Variants in FUT9 observed in about 807,000 individuals in gnomAD.
FUT9 encodes 4-galactosyl-N-acetylglucosaminide 3-alpha-L-fucosyltransferase 9.
Under a neutral mutation model 29.7 loss-of-function variants are expected in FUT9, and 15 were observed. The ratio of observed to expected loss-of-function variants is 0.51; its 90% CI spans 0.34 to 0.78. FUT9 has a LOEUF of 0.78. Among genes scored for constraint, FUT9 ranks in the 30% least tolerant of loss-of-function variants. The pLI is 0.01. For missense variants in FUT9, 319 were observed against 425.4 expected (o/e 0.75, Z 2.20); for synonymous variants, 169 against 153.7 (o/e 1.10, Z -0.74).
chr6:96,090,231 T>G lies in FUT9; in HGVS notation c.-97-23808T>G, dbSNP rs748863282. Among the ~76,000 whole-genome samples the G allele has an allele frequency of 1.3e-5, 2 of 152,116 alleles. 1 individual carries two copies. Among genetic ancestry groups the G allele is most frequent in the Middle Eastern group, 6.3e-3 (2 of 316 alleles). On this transcript the variant is annotated intron_variant, in intron 1 of 2. Transcript: ENST00000302103. ...CAATAAATTTCAAAAATTAGCATCT[T>G]GTATATACTTTTTCTGAACACAGTC...
Position 96,117,362 on chromosome 6 carries a change from A to G in FUT9, c.-9+3235A>G, listed in dbSNP as rs1028334487. ...GCGTTGCTAGATGAGAGATGTAGAT[A>G]TTAATTTGTGAATCTATTTTTATTT... On this transcript the variant is annotated intron_variant, in intron 2 of 2. Coordinates refer to ENST00000302103, the MANE Select transcript of FUT9 (RefSeq NM_006581.4). Among the ~76,000 whole-genome samples the G allele has an allele frequency of 3.9e-5, 6 of 152,352 alleles. No individual in the cohort carries two copies. The East Asian group carries it at 1.2e-3, about 29-fold the overall frequency.
chr6:96,127,143 AGCAGAGTATC>A (rs1292145763), intron 2 of FUT9, among the ~76,000 whole-genome samples: 1 of 152,166 alleles, frequency 6.6e-6, no homozygotes, highest in African/African-American at 2.4e-5. Context: ...CTAAGTAATA[AGCAGAGTATC>A]CAATAGGTAG....
At chr6:96,057,658 C>A (rs145054702) in intron 1 of FUT9, among the ~76,000 whole-genome samples, 1 of 152,152 alleles carries the variant, frequency 6.6e-6, no homozygotes, top group African/African-American at 2.4e-5. Context: ...TAAGGAAATT[C>A]TGTGCCACAA....
At chr6:96,114,586 A>G (rs1237890778) in intron 2 of FUT9, among the ~76,000 whole-genome samples, 2 of 151,232 alleles carry the variant, frequency 1.3e-5, no homozygotes, top group Non-Finnish European at 2.9e-5. Context: ...GTACCAATAA[A>G]TCATTCTTAC....
chr6:96,119,901 A>AAT (rs1189292864), intron 2 of FUT9, among the ~76,000 whole-genome samples: 1 of 152,174 alleles, frequency 6.6e-6, no homozygotes, highest in Admixed American at 6.5e-5. Context: ...GAACTTCTTG[A>AAT]ATATGAGGGG....
At chr6:96,110,276 G>A (rs1412562584) in intron 1 of FUT9, among the ~76,000 whole-genome samples, 1 of 152,008 alleles carries the variant, frequency 6.6e-6, no homozygotes, top group African/African-American at 2.4e-5. Flanking sequence ...TTAAAGCTGC[G>A]AGCCTCATAA....
At chr6:96,083,436 C>T (rs981537194) in intron 1 of FUT9, among the ~76,000 whole-genome samples, 2 of 152,024 alleles carry the variant, frequency 1.3e-5, no homozygotes, top group African/African-American at 4.8e-5. Context: ...CTATTCTGTT[C>T]TCTGGATGCA....
intron 2 of FUT9, among the ~76,000 whole-genome samples, chr6:96,194,221 G>C (rs1157504383): frequency 5.3e-5 from 8 of 151,944 alleles, no homozygotes; most frequent in African/African-American, 1.9e-4. Flanking sequence ...ATAAAATTTA[G>C]TGTACGTCAG....
At chr6:96,175,376 C>G (rs999207691) in intron 2 of FUT9, among the ~76,000 whole-genome samples, 2 of 152,122 alleles carry the variant, frequency 1.3e-5, no homozygotes, top group Non-Finnish European at 2.9e-5. Flanking sequence ...TCTTTTATCT[C>G]AACAAAATAC....
chr6:96,198,640 C>T (rs973256310), intron 2 of FUT9, among the ~76,000 whole-genome samples: 2 of 152,050 alleles, frequency 1.3e-5, no homozygotes, highest in Non-Finnish European at 2.9e-5. Flanking sequence ...CCCAGTAATG[C>T]GATGGCTGGG....
At chr6:96,153,989 A>C (rs983731902) in intron 2 of FUT9, among the ~76,000 whole-genome samples, 1 of 152,164 alleles carries the variant, frequency 6.6e-6, no homozygotes, top group Non-Finnish European at 1.5e-5. Flanking sequence ...TGATCATCAG[A>C]CTGTATGTTT....
chr6:96,202,586 C>T (rs1454281794), intron 2 of FUT9, among the ~76,000 whole-genome samples: 2 of 152,012 alleles, frequency 1.3e-5, no homozygotes, highest in Non-Finnish European at 2.9e-5. Flanking sequence ...TCAAGAGTTG[C>T]CATTTTTTTA....
chr6:96,067,487 G>A (rs924685963), intron 1 of FUT9, among the ~76,000 whole-genome samples: 92 of 152,244 alleles, frequency 6.0e-4, no homozygotes, highest in African/African-American at 2.0e-3. Flanking sequence ...CATCATGAAA[G>A]CATAAAATAT....
At chr6:96,079,833 A>G (rs184296817) in intron 1 of FUT9, among the ~76,000 whole-genome samples, 3 of 152,264 alleles carry the variant, frequency 2.0e-5, no homozygotes, top group African/African-American at 7.2e-5. Context: ...ACAATGATGT[A>G]TTTTAATAGC....
chr6:96,069,487 TAA>T (rs1379544161), intron 1 of FUT9, among the ~76,000 whole-genome samples: 1 of 152,072 alleles, frequency 6.6e-6, no homozygotes, highest in Non-Finnish European at 1.5e-5. Context: ...TTAATTTTAA[TAA>T]AAATCTCAAT....
At chr6:96,173,254 T>C (rs1422482007) in intron 2 of FUT9, among the ~76,000 whole-genome samples, 1 of 151,344 alleles carries the variant, frequency 6.6e-6, no homozygotes, top group Non-Finnish European at 1.5e-5. Flanking sequence ...CTAGTCTCTC[T>C]GTAGAATTAT....
At chr6:96,202,545 G>T (rs893079328) in intron 2 of FUT9, among the ~76,000 whole-genome samples, 1 of 152,100 alleles carries the variant, frequency 6.6e-6, no homozygotes, top group African/African-American at 2.4e-5. Context: ...AAATTTGCCT[G>T]AGTGTACTTG....
chr6:96,183,147 T>C (rs1298181243), intron 2 of FUT9, among the ~76,000 whole-genome samples: 1 of 152,144 alleles, frequency 6.6e-6, no homozygotes, highest in East Asian at 1.9e-4. Flanking sequence ...CTTGTAGAGG[T>C]ATTTCACCTC....
chr6:96,043,895 C>G (rs1770512594), intron 1 of FUT9, among the ~76,000 whole-genome samples: 1 of 152,174 alleles, frequency 6.6e-6, no homozygotes, highest in Admixed American at 6.5e-5. Flanking sequence ...ATCTGATCAA[C>G]AGTTGCTAGT....
Sources: allele counts gnomAD v4.1 joint callset (sites outside exome capture counted in the v4.1 genomes callset), GRCh38; gene constraint gnomAD v4.1.1; transcripts MANE v1.5; gene names NCBI Gene and HGNC (gene_info 2026-07-23, HGNC 2026-07-21).